ARHGAP15: variants seen among roughly 807,000 people sequenced by gnomAD.
ARHGAP15 encodes rho GTPase-activating protein 15.
ARHGAP15 carries 51 observed loss-of-function variants against 63.7 expected under a neutral mutation model. The observed-to-expected ratio is 0.80, with a 90% CI of 0.64 to 1.01. The LOEUF (loss-of-function observed/expected upper bound fraction) is 1.01, where lower values mean the gene tolerates loss of function less well. ARHGAP15 is among the 50% of genes least tolerant of loss of function. The pLI, the probability that ARHGAP15 is intolerant of heterozygous loss-of-function variation, is 0.00. For missense variants in ARHGAP15, 560 were observed against 564.6 expected (o/e 0.99, Z 0.08); for synonymous variants, 191 against 193.8 (o/e 0.99, Z 0.12).
chr2:143,544,287 G>T (rs954212228), intron 10 of ARHGAP15, among the ~76,000 whole-genome samples: 1 of 152,056 alleles, frequency 6.6e-6, no homozygotes, highest in Non-Finnish European at 1.5e-5. Flanking sequence ...CTAAATTAGA[G>T]ATACAAAATA....
At chr2:143,678,285 C>A (rs1427194901) in intron 12 of ARHGAP15, among the ~76,000 whole-genome samples, 6 of 152,170 alleles carry the variant, frequency 3.9e-5, no homozygotes, top group South Asian at 4.1e-4. Flanking sequence ...CACTTTGAAA[C>A]CCTTACTTTC....
intron 12 of ARHGAP15, among the ~76,000 whole-genome samples, chr2:143,630,291 A>G (rs994840705): frequency 1.3e-5 from 2 of 152,144 alleles, no homozygotes; most frequent in Admixed American, 1.3e-4. Flanking sequence ...CAATTGCTCA[A>G]TATCTCCTTT....
intron 6 of ARHGAP15, among the ~76,000 whole-genome samples, chr2:143,387,735 A>G (rs1010873189): frequency 1.3e-5 from 2 of 152,108 alleles, no homozygotes; most frequent in African/African-American, 4.8e-5. Flanking sequence ...ACTGATCTTT[A>G]TTACAAAAAG....
intron 13 of ARHGAP15, among the ~76,000 whole-genome samples, chr2:143,749,803 G>A (rs1211416704): frequency 1.3e-5 from 2 of 152,008 alleles, no homozygotes; most frequent in South Asian, 2.1e-4. Context: ...GTATGTACAC[G>A]AAAGAGCACT....
intron 8 of ARHGAP15, among the ~76,000 whole-genome samples, chr2:143,461,716 TAAAG>T (rs1199223216): frequency 6.6e-6 from 1 of 152,206 alleles, no homozygotes; most frequent in East Asian, 1.9e-4. Flanking sequence ...TCCTTGACTG[TAAAG>T]AAAAATTCAA....
rs759668699 is a variant in ARHGAP15 at position 143,435,600 on chromosome 2, G to A, written c.475-1G>A. ...TCTTTTTCTTTTTTTTTTTTTTGCA[G>A]ATCACAACAGTATCAGGAAATGAGT... On this transcript the variant is annotated splice_acceptor_variant, in intron 6 of 13. Coordinates refer to ENST00000295095, the MANE Select transcript of ARHGAP15 (RefSeq NM_018460.4). LOFTEE classifies it high-confidence loss of function. The A allele has an allele frequency of 8.1e-6, 11 of 1,366,170 alleles. No individual in the cohort carries two copies. In the Admixed American group the frequency reaches 2.0e-4, roughly 25 times the overall value. The allele number at this position is 1,366,170 out of a possible 1,614,324, so 84.6% of individuals were successfully genotyped here. A position where few individuals can be genotyped will look rare whatever the true frequency, so the allele number is the denominator to read the frequency against.
chr2:143,350,662 TA>T (rs34082157), intron 6 of ARHGAP15, among the ~76,000 whole-genome samples: 19,444 of 126,444 alleles, frequency 0.15, 1,495 homozygotes, highest in Non-Finnish European at 0.18. Flanking sequence ...TATTAAAAAT[TA>T]AAAAAAAAAA....
intron 11 of ARHGAP15, among the ~76,000 whole-genome samples, chr2:143,579,293 T>C (rs1416952490): frequency 6.6e-6 from 1 of 152,202 alleles, no homozygotes; most frequent in African/African-American, 2.4e-5. Context: ...GCGATTAGTA[T>C]TTGTTACTGA....
chr2:143,429,725 T>C (rs2105074579), intron 6 of ARHGAP15, among the ~76,000 whole-genome samples: 1 of 152,240 alleles, frequency 6.6e-6, no homozygotes, highest in East Asian at 1.9e-4. Context: ...TAGTAGCATG[T>C]GGATTTAGGA....
intron 10 of ARHGAP15, among the ~76,000 whole-genome samples, chr2:143,527,372 T>C (rs1197896418): frequency 6.6e-6 from 1 of 152,074 alleles, no homozygotes; most frequent in Non-Finnish European, 1.5e-5. Context: ...GAGTAGGCTA[T>C]ACAGTTAAAG....
intron 10 of ARHGAP15, among the ~76,000 whole-genome samples, chr2:143,538,679 C>T (rs544078430): frequency 7.2e-5 from 11 of 152,244 alleles, no homozygotes; most frequent in African/African-American, 2.4e-4. Context: ...TGCTGGATTA[C>T]GTTTATTGAT....
chr2:143,402,651 G>C (rs1688032437), intron 6 of ARHGAP15, among the ~76,000 whole-genome samples: 1 of 151,812 alleles, frequency 6.6e-6, no homozygotes, highest in Non-Finnish European at 1.5e-5. Flanking sequence ...GTTTCCCCAT[G>C]ATGCAGATAT....
At position 143,344,216 on chromosome 2, in the gene ARHGAP15, A is replaced by G. The variant is rs1685175207; in HGVS notation, c.475-91385A>G. ...TGTTTGAAAGTGGTTAGCGTCTTTA[A>G]CCCTGAGTAGAAAAGTAGTATAGGC... On this transcript the variant is annotated intron_variant, in intron 6 of 13. Transcript: ENST00000295095. The G allele has an allele frequency of 2.0e-5, 3 of 152,096 alleles. No homozygotes were observed. The South Asian group carries it at 6.2e-4, about 31-fold the overall frequency. 9.4% of individuals were successfully genotyped at this position (152,096 alleles called of 1,614,324 possible).
At chr2:143,525,988 C>T (rs1694256085) in intron 10 of ARHGAP15, among the ~76,000 whole-genome samples, 1 of 152,102 alleles carries the variant, frequency 6.6e-6, no homozygotes, top group Admixed American at 6.6e-5. Flanking sequence ...CCATCTCTGC[C>T]ATAGGTACCT....
At chr2:143,586,515 C>G (rs1420503072) in intron 11 of ARHGAP15, among the ~76,000 whole-genome samples, 1 of 151,428 alleles carries the variant, frequency 6.6e-6, no homozygotes, top group Non-Finnish European at 1.5e-5. Context: ...GTTTGTATAC[C>G]ATTCTGTGTT....
intron 6 of ARHGAP15, among the ~76,000 whole-genome samples, chr2:143,297,196 A>T (rs895351567): frequency 6.6e-5 from 10 of 152,014 alleles, no homozygotes; most frequent in Non-Finnish European, 1.2e-4. Context: ...AGGGGATTTA[A>T]GCCCAAATAA....
At chr2:143,189,117 C>T (rs181245869) in intron 2 of ARHGAP15, among the ~76,000 whole-genome samples, 1 of 152,136 alleles carries the variant, frequency 6.6e-6, no homozygotes, top group African/African-American at 2.4e-5. Context: ...TATAGGTGGA[C>T]AATATTTTCT....
intron 13 of ARHGAP15, among the ~76,000 whole-genome samples, chr2:143,756,399 G>A (rs1294112221): frequency 6.6e-6 from 1 of 151,992 alleles, no homozygotes; most frequent in African/African-American, 2.4e-5. Context: ...AGCTATATTG[G>A]ACTAATTCAG....
At chr2:143,457,149 A>G (rs978210748) in intron 8 of ARHGAP15, among the ~76,000 whole-genome samples, 2 of 152,156 alleles carry the variant, frequency 1.3e-5, no homozygotes, top group African/African-American at 4.8e-5. Context: ...CAAATAATTT[A>G]CTACTTTCAT....
Sources: allele counts gnomAD v4.1 joint callset (sites outside exome capture counted in the v4.1 genomes callset), GRCh38; gene constraint gnomAD v4.1.1; transcripts MANE v1.5; gene names NCBI Gene and HGNC (gene_info 2026-07-23, HGNC 2026-07-21).